The following CPQ variants were observed in gnomAD, a reference collection of about 807,000 sequenced individuals.
The protein encoded by CPQ is carboxypeptidase Q.
Under a neutral mutation model 45.7 loss-of-function variants are expected in CPQ, and 37 were observed. The observed-to-expected ratio is 0.81, with a 90% CI of 0.62 to 1.07. CPQ has a LOEUF of 1.07. Ranked by LOEUF, CPQ falls within the 50% of genes least tolerant of loss-of-function variation. CPQ has a pLI of 0.00. For missense variants in CPQ, 537 were observed against 572.9 expected, an observed-to-expected ratio of 0.94 and a Z score of 0.64; for synonymous variants, 186 against 205.8, an observed-to-expected ratio of 0.90 and a Z score of 0.82.
chr8:96,938,170 A>G (rs557861920), intron 4 of CPQ, among the ~76,000 whole-genome samples: 2 of 152,314 alleles, frequency 1.3e-5, no homozygotes, highest in South Asian at 4.1e-4. Flanking sequence ...TCCATTTTCT[A>G]TGCTTGCATA....
chr8:96,798,072 A>G (rs60919855), intron 2 of CPQ, among the ~76,000 whole-genome samples: 2 of 150,604 alleles, frequency 1.3e-5, no homozygotes, highest in East Asian at 2.0e-4. Flanking sequence ...AAGTTAAAGT[A>G]GGTTCTCCTT....
rs1811378818 is a variant in CPQ at position 97,104,945 on chromosome 8, T to TAACA, written c.1256-38074_1256-38071dup. Among the ~76,000 whole-genome samples the TAACA allele has an allele frequency of 2.6e-5, 4 of 152,358 alleles. No homozygotes were observed. In the South Asian group the frequency reaches 8.3e-4, roughly 32 times the overall value. On this transcript the variant is annotated intron_variant, in intron 7 of 7. Coordinates refer to ENST00000220763, the MANE Select transcript of CPQ (RefSeq NM_016134.4). ...TTTAATTTCACTGAGAGTCTTTTCC[T>TAACA]AACATTCACTGGCCTACATAACAAA... is the stretch of plus-strand genomic sequence containing the variant.
intron 2 of CPQ, among the ~76,000 whole-genome samples, chr8:96,811,466 A>C (rs1272603995): frequency 6.6e-6 from 1 of 152,148 alleles, no homozygotes; most frequent in Non-Finnish European, 1.5e-5. Flanking sequence ...ACAATTCATC[A>C]AAGTGATATT....
At chr8:96,647,079 T>TGAGATTA (rs1258683445) in intron 1 of CPQ, among the ~76,000 whole-genome samples, 2 of 152,246 alleles carry the variant, frequency 1.3e-5, no homozygotes, top group African/African-American at 4.8e-5. Flanking sequence ...CGCATGCATT[T>TGAGATTA]GAGATTAGTT....
At chr8:96,776,898 A>G (rs1008672126) in intron 1 of CPQ, among the ~76,000 whole-genome samples, 1 of 152,188 alleles carries the variant, frequency 6.6e-6, no homozygotes, top group Non-Finnish European at 1.5e-5. Flanking sequence ...ATAGTTGTTT[A>G]ACATTTTGAA....
intron 1 of CPQ, among the ~76,000 whole-genome samples, chr8:96,762,867 C>T (rs151290499): frequency 6.6e-6 from 1 of 152,008 alleles, no homozygotes; most frequent in Non-Finnish European, 1.5e-5. Context: ...TTTTTTAGTC[C>T]ATTTTTGTTT....
chr8:96,810,911 T>C (rs900949118), intron 2 of CPQ, among the ~76,000 whole-genome samples: 1 of 152,204 alleles, frequency 6.6e-6, no homozygotes, highest in Non-Finnish European at 1.5e-5. Flanking sequence ...TCATTGCATC[T>C]AGAAATGTTA....
At chr8:97,122,942 A>AAAAT (rs1811742643) in intron 7 of CPQ, among the ~76,000 whole-genome samples, 4 of 64,316 alleles carry the variant, frequency 6.2e-5, no homozygotes, top group African/African-American at 3.9e-4. Context: ...AAAATAAAAT[A>AAAAT]AAATAAAATA....
chr8:96,792,682 C>CAA (rs1810865153), intron 2 of CPQ, among the ~76,000 whole-genome samples: 1 of 152,074 alleles, frequency 6.6e-6, no homozygotes, highest in Admixed American at 6.6e-5. Context: ...AATAGTTACT[C>CAA]ATTTAGTTTA....
At chr8:96,925,658 C>T (rs757471046) in intron 4 of CPQ, among the ~76,000 whole-genome samples, 33 of 151,380 alleles carry the variant, frequency 2.2e-4, no homozygotes, top group Non-Finnish European at 4.6e-4. Context: ...GCTGGGATTA[C>T]AGGCATGAGC....
chr8:96,767,200 G>A (rs1810478755), intron 1 of CPQ, among the ~76,000 whole-genome samples: 2 of 152,200 alleles, frequency 1.3e-5, no homozygotes, highest in South Asian at 4.1e-4. Context: ...ACTACGTTTA[G>A]GAAGTAGGAC....
At chr8:96,699,674 A>G (rs118036210) in intron 1 of CPQ, among the ~76,000 whole-genome samples, 2,232 of 152,186 alleles carry the variant, frequency 0.015, 23 homozygotes, top group Non-Finnish European at 0.021. Context: ...ACAGTGTCAT[A>G]TTTGTGCTTC....
At position 96,933,254 on chromosome 8, in the gene CPQ, C is replaced by T. The variant is rs372796817; in HGVS notation, c.850-32681C>T. ...ATGAATATCAGATTTGGTGAGAAAA[C>T]GCCAAGTGTGTAGCTTCAGTCAAAG... On this transcript the variant is annotated intron_variant, in intron 4 of 7. Coordinates refer to ENST00000220763, the MANE Select transcript of CPQ (RefSeq NM_016134.4). Among the ~76,000 whole-genome samples, 159 of 152,272 alleles carry T rather than the reference C, an allele frequency of 1.0e-3. 1 individual carries two copies. Among genetic ancestry groups the T allele is most frequent in the African/African-American group, 3.7e-3 (153 of 41,572 alleles).
chr8:96,772,604 A>G (rs1276835360), intron 1 of CPQ, among the ~76,000 whole-genome samples: 1 of 152,192 alleles, frequency 6.6e-6, no homozygotes, highest in East Asian at 1.9e-4. Context: ...TAAAGGACAG[A>G]TGGGGGAAGG....
At chr8:97,080,427 A>T (rs1810925538) in intron 7 of CPQ, among the ~76,000 whole-genome samples, 1 of 152,220 alleles carries the variant, frequency 6.6e-6, no homozygotes, top group Non-Finnish European at 1.5e-5. Flanking sequence ...CAATTATAGG[A>T]TTCTAGAAAT....
intron 2 of CPQ, among the ~76,000 whole-genome samples, chr8:96,820,803 A>C (rs1563505273): frequency 6.6e-6 from 1 of 151,910 alleles, no homozygotes; most frequent in African/African-American, 2.4e-5. Flanking sequence ...TGATGTATTG[A>C]TTTCCTTTCT....
chr8:96,960,651 C>G (rs1197383335), intron 4 of CPQ, among the ~76,000 whole-genome samples: 5 of 152,162 alleles, frequency 3.3e-5, no homozygotes. Flanking sequence ...CCTCTCTGCC[C>G]TAACCCCCAT....
intron 2 of CPQ, among the ~76,000 whole-genome samples, chr8:96,786,875 ATTTT>A (rs1426627054): frequency 9.2e-5 from 14 of 152,158 alleles, no homozygotes; most frequent in African/African-American, 3.4e-4. Context: ...GGACTATGAG[ATTTT>A]TATTATAGAG....
intron 3 of CPQ, among the ~76,000 whole-genome samples, chr8:96,860,712 A>G (rs1811915386): frequency 6.6e-6 from 1 of 152,148 alleles, no homozygotes; most frequent in South Asian, 2.1e-4. Flanking sequence ...TCAGGGTGGA[A>G]TTAAGCTCCT....
Sources: allele counts gnomAD v4.1 joint callset (sites outside exome capture counted in the v4.1 genomes callset), GRCh38; gene constraint gnomAD v4.1.1; transcripts MANE v1.5; gene names NCBI Gene and HGNC (gene_info 2026-07-23, HGNC 2026-07-21).